WDR41: variants seen among roughly 807,000 people sequenced by gnomAD.
The protein encoded by WDR41 is WD repeat domain 41.
In WDR41, 63 loss-of-function variants were observed where a neutral mutation model predicts 69.3. The ratio of observed to expected loss-of-function variants is 0.91; its 90% CI spans 0.74 to 1.12. The LOEUF is 1.12. WDR41 is among the 50% of genes most tolerant of loss of function. WDR41 has a pLI of 0.00. For missense variants in WDR41, 543 were observed against 534.5 expected, an observed-to-expected ratio of 1.02 and a Z score of -0.16; for synonymous variants, 185 against 192.1, an observed-to-expected ratio of 0.96 and a Z score of 0.31.
intron 2 of WDR41, among the ~76,000 whole-genome samples, chr5:77,469,682 T>G (rs1010418626): frequency 7.2e-5 from 11 of 152,058 alleles, no homozygotes; most frequent in African/African-American, 2.7e-4. Context: ...AGGGTATCAG[T>G]GATGGAAGAT....
chr5:77,524,260 A>G (rs3911463), intron 1 of WDR41, among the ~76,000 whole-genome samples: 93,754 of 151,988 alleles, frequency 0.62, 30,680 homozygotes, highest in African/African-American at 0.83. Flanking sequence ...TTAGGTCAGC[A>G]CAACTTGGGC....
chr5:77,584,905 T>C (rs996588109), intron 1 of WDR41, among the ~76,000 whole-genome samples: 3 of 152,154 alleles, frequency 2.0e-5, no homozygotes, highest in African/African-American at 7.2e-5. Flanking sequence ...TTCTAGACAC[T>C]GGCTTAGGCA....
intron 1 of WDR41, among the ~76,000 whole-genome samples, chr5:77,549,713 C>A (rs1231415473): frequency 6.6e-6 from 1 of 152,072 alleles, no homozygotes; most frequent in Admixed American, 6.5e-5. Context: ...TCTATAAATT[C>A]AACACTATTC....
At chr5:77,476,114 T>A (rs1318773762) in intron 2 of WDR41, among the ~76,000 whole-genome samples, 1 of 115,542 alleles carries the variant, frequency 8.7e-6, no homozygotes, top group East Asian at 2.4e-4. Flanking sequence ...AGAAGGGAAG[T>A]TTAGAGAAAA....
intron 5 of WDR41, among the ~76,000 whole-genome samples, chr5:77,456,795 G>A (rs1405627250): frequency 1.3e-5 from 2 of 152,056 alleles, no homozygotes; most frequent in Non-Finnish European, 2.9e-5. Context: ...TCGAACTCCT[G>A]GACTCAAGTG....
At chr5:77,486,813 G>C (rs335669) in intron 2 of WDR41, among the ~76,000 whole-genome samples, 89,548 of 152,028 alleles carry the variant, frequency 0.59, 28,118 homozygotes, top group African/African-American at 0.8. Flanking sequence ...AGCCTAGCCC[G>C]AATTGCCATC....
At chr5:77,529,158 AT>A (rs1480038229) in intron 1 of WDR41, among the ~76,000 whole-genome samples, 1 of 151,606 alleles carries the variant, frequency 6.6e-6, no homozygotes, top group African/African-American at 2.4e-5. Flanking sequence ...TACAGAAAAA[AT>A]ATTAGATATC....
chr5:77,604,208 G>A (rs767625677), intron 1 of WDR41, among the ~76,000 whole-genome samples: 8 of 152,106 alleles, frequency 5.3e-5, no homozygotes, highest in African/African-American at 1.9e-4. Flanking sequence ...ATCCATAACT[G>A]TGGGATGTCT....
intron 1 of WDR41, among the ~76,000 whole-genome samples, chr5:77,572,534 G>T (rs140995203): frequency 6.6e-6 from 1 of 152,150 alleles, no homozygotes. Flanking sequence ...AATAAATAGT[G>T]TTGAGTCATT....
At chr5:77,524,976 A>G (rs1802424418) in intron 1 of WDR41, among the ~76,000 whole-genome samples, 1 of 152,260 alleles carries the variant, frequency 6.6e-6, no homozygotes, top group Non-Finnish European at 1.5e-5. Context: ...ATATTTGCAG[A>G]AAATCAGTCC....
intron 1 of WDR41, among the ~76,000 whole-genome samples, chr5:77,503,653 G>C (rs1219601915): frequency 6.6e-6 from 1 of 152,074 alleles, no homozygotes; most frequent in Non-Finnish European, 1.5e-5. Flanking sequence ...AAATATAAGA[G>C]AACAGAAATC....
At chr5:77,545,619 C>A in intron 1 of WDR41, 1 of 375,112 alleles carries the variant, frequency 2.7e-6, no homozygotes, top group East Asian at 4.8e-5. Context: ...AGATCTATCT[C>A]TTCTCCCTGC....
intron 2 of WDR41, among the ~76,000 whole-genome samples, chr5:77,484,501 A>T (rs1466300089): frequency 6.6e-6 from 1 of 152,196 alleles, no homozygotes; most frequent in Non-Finnish European, 1.5e-5. Flanking sequence ...TAAGTGCTTT[A>T]AAAAAATGCC....
At chr5:77,530,995 CA>C (rs563391440) in intron 1 of WDR41, among the ~76,000 whole-genome samples, 2,776 of 151,760 alleles carry the variant, frequency 0.018, 60 homozygotes, top group African/African-American at 0.055. Flanking sequence ...GCTTGTTATA[CA>C]AAAATTAACT....
chr5:77,498,972 G>T (rs1801977018), intron 1 of WDR41, among the ~76,000 whole-genome samples: 1 of 152,056 alleles, frequency 6.6e-6, no homozygotes, highest in African/African-American at 2.4e-5. Flanking sequence ...ACTGTTAAGA[G>T]AATAAAAAAT....
At chr5:77,571,007 T>C (rs1407038978) in intron 1 of WDR41, among the ~76,000 whole-genome samples, 1 of 152,046 alleles carries the variant, frequency 6.6e-6, no homozygotes, top group Non-Finnish European at 1.5e-5. Context: ...TTGAATGTCT[T>C]AATTTACATT....
chr5:77,457,589 T>A (rs2151314308), intron 5 of WDR41, among the ~76,000 whole-genome samples: 1 of 152,256 alleles, frequency 6.6e-6, no homozygotes, highest in South Asian at 2.1e-4. Flanking sequence ...GATTCATTCA[T>A]AATGCCAAAC....
chr5:77,527,632 A>C (rs891071456), intron 1 of WDR41, among the ~76,000 whole-genome samples: 1 of 151,898 alleles, frequency 6.6e-6, no homozygotes, highest in African/African-American at 2.4e-5. Context: ...ATTGTGCCCC[A>C]AAACTAAAAT....
chr5:77,613,313 C>G (rs1289223108), intron 1 of WDR41, among the ~76,000 whole-genome samples: 1 of 152,008 alleles, frequency 6.6e-6, no homozygotes, highest in Non-Finnish European at 1.5e-5. Context: ...TCATATGGAA[C>G]CAAAAAAGAG....
Sources: allele counts gnomAD v4.1 joint callset (sites outside exome capture counted in the v4.1 genomes callset), GRCh38; gene constraint gnomAD v4.1.1; transcripts MANE v1.5; gene names NCBI Gene and HGNC (gene_info 2026-07-23, HGNC 2026-07-21).